The following AFAP1 variants were observed in gnomAD, a reference collection of about 807,000 sequenced individuals.
The protein encoded by AFAP1 is actin filament-associated protein 1.
A neutral mutation model predicts 93.9 loss-of-function variants in AFAP1; 75 were observed. The ratio of observed to expected loss-of-function variants is 0.80; its 90% CI spans 0.66 to 0.97. The LOEUF (loss-of-function observed/expected upper bound fraction) is 0.97, where lower values mean the gene tolerates loss of function less well. AFAP1 is among the 50% of genes least tolerant of loss of function. The pLI, the probability that AFAP1 is intolerant of heterozygous loss-of-function variation, is 0.00. For missense variants in AFAP1, 1,201 were observed against 1,050.8 expected, an observed-to-expected ratio of 1.14 and a Z score of -1.98; for synonymous variants, 517 against 430.7, an observed-to-expected ratio of 1.20 and a Z score of -2.48.
At chr4:7,865,041 A>G (rs1003364091) in intron 3 of AFAP1, among the ~76,000 whole-genome samples, 1 of 152,244 alleles carries the variant, frequency 6.6e-6, no homozygotes, top group Non-Finnish European at 1.5e-5. Context: ...ACTATTAAAA[A>G]AAAAGACAGG....
At chr4:7,816,235 G>T in intron 7 of AFAP1, 136 bp from the exon 8 acceptor site, 1 of 673,592 alleles carries the variant, frequency 1.5e-6, no homozygotes, top group Non-Finnish European at 2.5e-6. Flanking sequence ...AGTGGTTAGA[G>T]CTTAACTATA....
intron 1 of AFAP1, among the ~76,000 whole-genome samples, chr4:7,890,251 C>A (rs1050085950): frequency 6.6e-6 from 1 of 152,050 alleles, no homozygotes. Flanking sequence ...TGACTTTTGA[C>A]AAAGATGCCA....
Position 7,838,598 on chromosome 4 carries a change from T to C in AFAP1, c.652A>G (p.Lys218Glu). 6.2e-7 allele frequency: 1 copy of C among 1,614,222 alleles called. No individual in the cohort carries two copies. The highest frequency in any genetic ancestry group is 8.5e-7 in the Non-Finnish European group (1 of 1,180,040). The part of the protein sequence containing the change: ...KDSKKKKHEL[K>E]ITQQGTDPLV... The stretch of plus-strand genomic sequence containing the variant: ...GGGTCCGTGCCCTGCTGAGTAATCT[T>C]CAGCTCGTGCTTCTTCTTTTTGCTG... The change falls in exon 6 of 18, where the codon AAG becomes GAG. Residue 218 changes from lysine (K) to glutamate (E), a missense_variant. Physicochemically the swap from Lys to Glu is moderately conservative, Grantham distance 56 (BLOSUM62 1). Coordinates refer to ENST00000420658, the MANE Select transcript of AFAP1 (RefSeq NM_001134647.2).
intron 5 of AFAP1, among the ~76,000 whole-genome samples, chr4:7,838,978 A>G (rs769521380): frequency 3.7e-4 from 57 of 152,102 alleles, no homozygotes; most frequent in Non-Finnish European, 1.6e-4. Flanking sequence ...AAAAGTCCCT[A>G]CTCTGATACA....
intron 1 of AFAP1, among the ~76,000 whole-genome samples, chr4:7,921,361 T>C (rs772815655): frequency 2.6e-5 from 4 of 151,932 alleles, no homozygotes; most frequent in Non-Finnish European, 5.9e-5. Flanking sequence ...TTTTTTTATT[T>C]TTAGCAGAGA....
chr4:7,863,323 G>A (rs1194950248), intron 3 of AFAP1, among the ~76,000 whole-genome samples: 1 of 152,168 alleles, frequency 6.6e-6, no homozygotes, highest in Non-Finnish European at 1.5e-5. Flanking sequence ...GGAGGGTGAG[G>A]TGGGAAAATT....
intron 9 of AFAP1, among the ~76,000 whole-genome samples, chr4:7,801,940 A>AAAAAAAAAAAAAAAAAAAAAAT (rs1719082819): frequency 7.0e-6 from 1 of 141,914 alleles, no homozygotes; most frequent in African/African-American, 2.6e-5. Context: ...AAAAAAAAAA[A>AAAAAAAAAAAAAAAAAAAAAAT]AACTAATCAA....
At chr4:7,874,356 CTTTTTTTTT>C (rs869214535) in intron 1 of AFAP1, among the ~76,000 whole-genome samples, 3 of 92,434 alleles carry the variant, frequency 3.2e-5, no homozygotes, top group African/African-American at 4.7e-5. Context: ...TTGCCTTTTT[CTTTTTTTTT>C]TTTTTTTTTT....
At chr4:7,917,646 C>G (rs950950463) in intron 1 of AFAP1, among the ~76,000 whole-genome samples, 7 of 152,138 alleles carry the variant, frequency 4.6e-5, no homozygotes, top group African/African-American at 1.2e-4. Context: ...ACATGAACCA[C>G]GTACCTCTCA....
At chr4:7,836,513 CACA>C (rs1349322017) in intron 6 of AFAP1, among the ~76,000 whole-genome samples, 1 of 152,200 alleles carries the variant, frequency 6.6e-6, no homozygotes, top group East Asian at 1.9e-4. Flanking sequence ...GTGGCGCAGT[CACA>C]ACTCACTGCA....
intron 1 of AFAP1, among the ~76,000 whole-genome samples, chr4:7,881,508 C>T (rs113964430): frequency 1.3e-5 from 2 of 152,326 alleles, no homozygotes; most frequent in African/African-American, 4.8e-5. Context: ...CTGGGCCAGG[C>T]GCGGTGGCTC....
In AFAP1 at chr4:7,781,370, C is replaced by T. The variant is rs1577198816; in HGVS notation, c.1782+6G>A. On this transcript the variant is annotated splice_donor_region_variant and intron_variant, in intron 13 of 17. Coordinates refer to ENST00000420658, the MANE Select transcript of AFAP1 (RefSeq NM_001134647.2). ...TTCTAGAATCTTACAGAAGAAGATG[C>T]CGTACCTGCGAGTTGAGCCCGAGAG... 1 of 1,550,992 alleles carries T rather than the reference C, an allele frequency of 6.4e-7. No homozygotes were observed. The highest frequency in any genetic ancestry group is 1.4e-5 in the African/African-American group (1 of 73,138).
At chr4:7,841,354 A>G (rs1247390928) in intron 5 of AFAP1, among the ~76,000 whole-genome samples, 1 of 152,212 alleles carries the variant, frequency 6.6e-6, no homozygotes, top group Non-Finnish European at 1.5e-5. Flanking sequence ...CTTGGGCTCT[A>G]GGCCCCTCTT....
chr4:7,845,689 T>C (rs1272329142), intron 4 of AFAP1, among the ~76,000 whole-genome samples: 3 of 151,972 alleles, frequency 2.0e-5, no homozygotes, highest in African/African-American at 4.8e-5. Context: ...TCTCACTGGC[T>C]CCACATCCCC....
intron 1 of AFAP1, among the ~76,000 whole-genome samples, chr4:7,899,552 T>C (rs977361540): frequency 2.0e-5 from 3 of 152,240 alleles, no homozygotes; most frequent in Admixed American, 6.5e-5. Flanking sequence ...GCTCCGCTTA[T>C]ATAAAAGAAA....
chr4:7,896,608 GGCTC>G (rs1718788389), intron 1 of AFAP1, among the ~76,000 whole-genome samples: 1 of 14,218 alleles, frequency 7.0e-5, no homozygotes, highest in Admixed American at 6.3e-4. Context: ...CCACACCCAG[GGCTC>G]AGTCCTCACT....
intron 1 of AFAP1, among the ~76,000 whole-genome samples, chr4:7,904,300 A>T (rs989958510): frequency 6.6e-6 from 1 of 152,024 alleles, no homozygotes; most frequent in Non-Finnish European, 1.5e-5. Context: ...GGCTCTCCAC[A>T]CATGACAGAC....
intron 1 of AFAP1, among the ~76,000 whole-genome samples, chr4:7,901,941 C>A (rs1242286192): frequency 6.6e-6 from 1 of 152,140 alleles, no homozygotes; most frequent in Non-Finnish European, 1.5e-5. Flanking sequence ...GTGGAATGCA[C>A]CCCTCATTTG....
intron 1 of AFAP1, among the ~76,000 whole-genome samples, chr4:7,938,039 C>T (rs1399219128): frequency 6.6e-6 from 1 of 152,188 alleles, no homozygotes. Flanking sequence ...CCAATCTGTC[C>T]TGGCAGATCA....
Sources: allele counts gnomAD v4.1 joint callset (sites outside exome capture counted in the v4.1 genomes callset), GRCh38; gene constraint gnomAD v4.1.1; transcripts MANE v1.5; gene names NCBI Gene and HGNC (gene_info 2026-07-23, HGNC 2026-07-21).